Variants in NEMP2 observed in about 807,000 individuals in gnomAD.
NEMP2 encodes the protein UPF0571 transmembrane protein.
In NEMP2, 53 loss-of-function variants were observed where a neutral mutation model predicts 54.2. That is an observed-to-expected ratio of 0.98 (90% CI 0.78 to 1.23). NEMP2 has a LOEUF of 1.23. Among genes scored for constraint, NEMP2 ranks in the 50% most tolerant of loss-of-function variants. The pLI is 0.00. For missense variants in NEMP2, 455 were observed against 511.3 expected (o/e 0.89, Z 1.06); for synonymous variants, 197 against 190.3 (o/e 1.04, Z -0.29).
the NEMP2 span, among the ~76,000 whole-genome samples, chr2:190,640,172 CTTAT>C: frequency 1.4e-4 from 21 of 152,088 alleles, no homozygotes; most frequent in Admixed American, 2.6e-4. Context: ...ATATAGATAT[CTTAT>C]TTAACTAATA....
upstream of NEMP2, among the ~76,000 whole-genome samples, chr2:190,537,197 C>G (rs375533779): frequency 1.3e-5 from 2 of 152,168 alleles, no homozygotes; most frequent in Non-Finnish European, 2.9e-5. Flanking sequence ...AAATTAAAAA[C>G]ACCGTATCAG....
the NEMP2 span, among the ~76,000 whole-genome samples, chr2:190,485,101 C>G: frequency 6.6e-6 from 1 of 152,098 alleles, no homozygotes; most frequent in Non-Finnish European, 1.5e-5. This position sits in a 1 kb window ranked among gnomAD's most constrained non-coding sequence, Gnocchi z 5.1. Context: ...TTAAAAGCAT[C>G]CTGACTTAAG....
At chr2:190,434,939 T>C in the NEMP2 span, among the ~76,000 whole-genome samples, 2 of 152,174 alleles carry the variant, frequency 1.3e-5, no homozygotes, top group African/African-American at 4.8e-5. This position sits in a 1 kb window ranked among gnomAD's most constrained non-coding sequence, Gnocchi z 4.3. Flanking sequence ...GCAGAGGTAT[T>C]AGATTTGCAT....
In NEMP2 at chr2:190,510,382, G is replaced by T. The variant is rs1417144858; in HGVS notation, c.1109C>A (p.Ser370Tyr). Residue 370 changes from serine to tyrosine, a missense_variant, in exon 8 of 9, where the codon TCC (serine) becomes TAC (tyrosine). By Grantham distance (144) the Ser-to-Tyr change is moderately radical (BLOSUM62 -2). Around this residue, in one of 3 missense-constraint regions of NEMP2, gnomAD observed 294 missense variants for 333.6 expected, o/e 0.88. Transcript: ENST00000409150. This position sits in a 1 kb window ranked among gnomAD's most constrained non-coding sequence, Gnocchi z 5.7. The stretch of plus-strand genomic sequence containing the variant: ...TTACTTGCTAGGAGTGTGGAGTCTG[G>T]AGACGACCAGCCATGAGGGAAAGTC... ...KPDFPSWLVVSRLHTPSKFAD... is the reference protein window; with the variant it reads ...KPDFPSWLVVYRLHTPSKFAD... 1.9e-6 allele frequency: 3 copies of T among 1,551,730 alleles called. No individual in the cohort carries two copies. The highest frequency in any genetic ancestry group is 8.7e-7 in the Non-Finnish European group (1 of 1,147,010).
chr2:190,560,071 G>A, the NEMP2 span, among the ~76,000 whole-genome samples: 3 of 152,214 alleles, frequency 2.0e-5, no homozygotes, highest in Admixed American at 2.0e-4. The surrounding 1 kb of genome is among the most constrained non-coding windows in gnomAD (Gnocchi z 5.4). Context: ...AGGACATAAA[G>A]CAGAAGACCA....
chr2:190,631,001 TA>T, the NEMP2 span, among the ~76,000 whole-genome samples: 332 of 135,270 alleles, frequency 2.5e-3, no homozygotes, highest in Admixed American at 3.1e-3. Context: ...TGTTTCTAAT[TA>T]AAAAAAAAAA....
At chr2:190,638,359 A>G in the NEMP2 span, among the ~76,000 whole-genome samples, 9 of 152,038 alleles carry the variant, frequency 5.9e-5, no homozygotes, top group Non-Finnish European at 7.4e-5. This position sits in a 1 kb window ranked among gnomAD's most constrained non-coding sequence, Gnocchi z 5.7. Flanking sequence ...CAAAACTCCT[A>G]TCCATCCACA....
At chr2:190,503,853 T>G (rs1458153911), downstream of NEMP2, among the ~76,000 whole-genome samples, 1 of 152,194 alleles carries the variant, frequency 6.6e-6, no homozygotes, top group Non-Finnish European at 1.5e-5. This position sits in a 1 kb window ranked among gnomAD's most constrained non-coding sequence, Gnocchi z 6.3. Context: ...ATTTACACTA[T>G]GCCAGGACAA....
At chr2:190,596,937 C>A in the NEMP2 span, among the ~76,000 whole-genome samples, 3 of 152,218 alleles carry the variant, frequency 2.0e-5, no homozygotes, top group South Asian at 6.2e-4. The surrounding 1 kb of genome is among the most constrained non-coding windows in gnomAD (Gnocchi z 5.1). Flanking sequence ...TGGGTGTTTA[C>A]AACTTTTTAA....
At chr2:190,570,450 G>C in the NEMP2 span, among the ~76,000 whole-genome samples, 4 of 152,288 alleles carry the variant, frequency 2.6e-5, no homozygotes, top group Admixed American at 1.3e-4. This position sits in a 1 kb window ranked among gnomAD's most constrained non-coding sequence, Gnocchi z 5.4. Context: ...AGGGTAGCAT[G>C]GTGGCCTCGT....
the NEMP2 span, among the ~76,000 whole-genome samples, chr2:190,466,956 A>T: frequency 1.3e-5 from 2 of 152,188 alleles, no homozygotes; most frequent in African/African-American, 4.8e-5. Flanking sequence ...CTACCTCCTA[A>T]ACTGGATCAA....
the NEMP2 span, among the ~76,000 whole-genome samples, chr2:190,432,837 C>T: frequency 6.7e-6 from 1 of 148,780 alleles, no homozygotes; most frequent in Non-Finnish European, 1.5e-5. Context: ...CCAACACACA[C>T]ACACTCTCTC....
rs1690903811 is a variant in NEMP2, at chr2:190,525,563, C to G, written c.98-185G>C. 6.6e-6 allele frequency among the ~76,000 whole-genome samples: 1 copy of G among 152,040 alleles called. No individual in the cohort carries two copies. The highest frequency in any genetic ancestry group is 1.5e-5 in the Non-Finnish European group (1 of 68,018). Reference sequence around the variant, plus strand: ...AGGAGACAGATAGAAAATACGATAGCCCAAGTGTCAATATTTATGACATTG... The same window carrying G: ...AGGAGACAGATAGAAAATACGATAGGCCAAGTGTCAATATTTATGACATTG... On this transcript the variant is annotated intron_variant, in intron 1 of 8. Transcript: ENST00000409150. The surrounding 1 kb of genome is among the most constrained non-coding windows in gnomAD (Gnocchi z 5.0).
the NEMP2 span, among the ~76,000 whole-genome samples, chr2:190,569,694 T>C: frequency 6.6e-6 from 1 of 152,214 alleles, no homozygotes; most frequent in African/African-American, 2.4e-5. Context: ...CATGACATCT[T>C]GGATATAAAA....
the NEMP2 span, among the ~76,000 whole-genome samples, chr2:190,458,384 C>T: frequency 1.3e-5 from 2 of 152,122 alleles, no homozygotes; most frequent in Non-Finnish European, 2.9e-5. This position sits in a 1 kb window ranked among gnomAD's most constrained non-coding sequence, Gnocchi z 5.3. Context: ...TAGGCGATGA[C>T]ACAGGGAGAG....
At chr2:190,591,678 A>AT in the NEMP2 span, among the ~76,000 whole-genome samples, 9 of 152,224 alleles carry the variant, frequency 5.9e-5, no homozygotes, top group African/African-American at 2.2e-4. This position sits in a 1 kb window ranked among gnomAD's most constrained non-coding sequence, Gnocchi z 5.4. Flanking sequence ...CACACATGCG[A>AT]TAGCTACTGC....
chr2:190,437,648 T>C, the NEMP2 span: 2 of 1,434,408 alleles, frequency 1.4e-6, no homozygotes, highest in Non-Finnish European at 1.9e-6. The surrounding 1 kb of genome is among the most constrained non-coding windows in gnomAD (Gnocchi z 5.9). Flanking sequence ...AATTTTAAGG[T>C]ATTATAATTT....
chr2:190,597,822 C>T, the NEMP2 span, among the ~76,000 whole-genome samples: 2 of 152,218 alleles, frequency 1.3e-5, no homozygotes, highest in South Asian at 4.2e-4. The surrounding 1 kb of genome is among the most constrained non-coding windows in gnomAD (Gnocchi z 4.7). Flanking sequence ...CTTTGCTCAT[C>T]CAATTTGAAA....
intron 2 of NEMP2, among the ~76,000 whole-genome samples, chr2:190,524,803 T>TC (rs1384737866): frequency 6.6e-6 from 1 of 152,200 alleles, no homozygotes; most frequent in Non-Finnish European, 1.5e-5. Context: ...TAGAAATAGT[T>TC]CCTGGTACTT....
Sources: allele counts gnomAD v4.1 joint callset (sites outside exome capture counted in the v4.1 genomes callset), GRCh38; gene constraint gnomAD v4.1.1; regional missense constraint gnomAD v4.1.1; non-coding constraint Gnocchi (gnomAD v3.1); transcripts MANE v1.5; gene names NCBI Gene and HGNC (gene_info 2026-07-23, HGNC 2026-07-21).